Variants in P4HA3 observed in about 807,000 individuals in gnomAD.
P4HA3 encodes prolyl 4-hydroxylase subunit alpha-3.
A neutral mutation model predicts 66.7 loss-of-function variants in P4HA3; 60 were observed. The observed-to-expected ratio is 0.90, with a 90% CI of 0.73 to 1.12. The LOEUF is 1.12. Among genes scored for constraint, P4HA3 ranks in the 50% most tolerant of loss-of-function variants. The pLI, the probability that P4HA3 is intolerant of heterozygous loss-of-function variation, is 0.00. For missense variants in P4HA3, 683 were observed against 685.8 expected (o/e 1.00, Z 0.05); for synonymous variants, 263 against 274.6 (o/e 0.96, Z 0.42).
At chr11:74,298,522 T>C (rs1861299410) in intron 3 of P4HA3, among the ~76,000 whole-genome samples, 161 bp from the exon 4 acceptor site, 1 of 152,208 alleles carries the variant, frequency 6.6e-6, no homozygotes, top group African/African-American at 2.4e-5. Flanking sequence ...ATACAACGCA[T>C]TGTACTACGT....
intron 10 of P4HA3, among the ~76,000 whole-genome samples, chr11:74,270,309 T>C (rs1405384525): frequency 6.6e-6 from 1 of 152,200 alleles, no homozygotes; most frequent in African/African-American, 2.4e-5. Flanking sequence ...GAACTACTTA[T>C]TACACCTTTG....
At chr11:74,268,366 C>T in intron 11 of P4HA3, 125 bp from the exon 12 acceptor site, 2 of 790,354 alleles carry the variant, frequency 2.5e-6, no homozygotes, top group Non-Finnish European at 4.2e-6. Flanking sequence ...GGGGGCAATG[C>T]ATGCATAAAA....
At chr11:74,270,397 A>G (rs1860153339) in intron 10 of P4HA3, among the ~76,000 whole-genome samples, 1 of 152,234 alleles carries the variant, frequency 6.6e-6, no homozygotes, top group African/African-American at 2.4e-5. Context: ...TTCTAGGACT[A>G]TGGATATGTT....
rs368995754 is a variant in P4HA3, at chr11:74,289,492, C to T, written c.718-362G>A. 6.6e-5 allele frequency among the ~76,000 whole-genome samples: 10 copies of T among 152,016 alleles called. No individual in the cohort carries two copies. In the East Asian group the frequency reaches 1.2e-3, roughly 18 times the overall value. ...TAAGTTTTAGGGTACATGTGCACAA[C>T]GTGCAGGTTTGTTACATATGTATAC... On this transcript the variant is annotated intron_variant, in intron 4 of 12. Transcript: ENST00000331597.
At chr11:74,267,680 C>T (rs1368990363) in intron 12 of P4HA3, among the ~76,000 whole-genome samples, 2 of 152,222 alleles carry the variant, frequency 1.3e-5, no homozygotes, top group African/African-American at 2.4e-5. Flanking sequence ...GCAGCCTCCA[C>T]CTCAGCTTAT....
chr11:74,311,570 C>G lies in P4HA3; in HGVS notation c.42G>C (p.Leu14=). The change falls in exon 1 of 13, where the codon CTG becomes CTC. Residue 14 remains leucine, a synonymous_variant. Coordinates refer to ENST00000331597, the MANE Select transcript of P4HA3 (RefSeq NM_182904.5). ...TTTCTGGGTCTCCTGTCCCGAGCGC[C>G]AGCACCGCCAGCAGCGCCGCCAGCC... is the stretch of plus-strand genomic sequence containing the variant. ...GARLAALLAV[L]ALGTGDPERA... 2 of 1,534,172 alleles carry G rather than the reference C, an allele frequency of 1.3e-6. No individual in the cohort carries two copies. The highest frequency in any genetic ancestry group is 1.7e-6 in the Non-Finnish European group (2 of 1,151,498).
chr11:74,284,191 T>C (rs140962203), intron 7 of P4HA3, among the ~76,000 whole-genome samples: 1 of 152,356 alleles, frequency 6.6e-6, no homozygotes, highest in East Asian at 1.9e-4. Flanking sequence ...CTTGTTAATA[T>C]TTAGCACACT....
intron 9 of P4HA3, among the ~76,000 whole-genome samples, chr11:74,276,287 G>C (rs1860390551): frequency 6.6e-6 from 1 of 152,204 alleles, no homozygotes; most frequent in Admixed American, 6.5e-5. Context: ...GTATGGCTGG[G>C]TGCAGTGGCT....
chr11:74,308,758 T>TTAAAATAAAATAAAATAAAA (rs138633165), intron 1 of P4HA3, among the ~76,000 whole-genome samples: 12 of 152,130 alleles, frequency 7.9e-5, no homozygotes, highest in African/African-American at 2.9e-4. Flanking sequence ...CTAGATGGTC[T>TTAAAATAAAATAAAATAAAA]TAAAATAAAA....
chr11:74,299,667 GAAAA>G (rs61624292), intron 3 of P4HA3, among the ~76,000 whole-genome samples: 2 of 105,784 alleles, frequency 1.9e-5, no homozygotes, highest in East Asian at 5.3e-4. Flanking sequence ...ATATTTTCAA[GAAAA>G]AAAAAAAAAA....
chr11:74,269,811 A>C, intron 10 of P4HA3, 91 bp from the exon 11 acceptor site: 2 of 1,273,880 alleles, frequency 1.6e-6, no homozygotes, highest in Non-Finnish European at 2.2e-6. Context: ...ATTCCTTCTC[A>C]TGGTCTTTTC....
chr11:74,257,676 T>C (rs1859850894), intron 15 of P4HA3, among the ~76,000 whole-genome samples: 1 of 152,120 alleles, frequency 6.6e-6, no homozygotes, highest in Admixed American at 6.6e-5. Context: ...TGACCCCATA[T>C]AAAAAGACAA....
chr11:74,257,476 G>A (rs1859848284), intron 15 of P4HA3, among the ~76,000 whole-genome samples: 1 of 152,130 alleles, frequency 6.6e-6, no homozygotes, highest in South Asian at 2.1e-4. Context: ...GGAGGTGGAG[G>A]AGGAAGGGCA....
In P4HA3 at chr11:74,255,495, A is replaced by G. The variant is rs1051162337; in HGVS notation, c.*1318+4428T>C. On this transcript the variant is annotated intron_variant and NMD_transcript_variant, in intron 15 of 15. Coordinates refer to the P4HA3 transcript ENST00000524388. ...ACCCAAGCCCCACCCCTTACACTGT[A>G]TGGTATGGCAACAAACTTTCTCTCT... is the stretch of plus-strand genomic sequence containing the variant. Among the ~76,000 whole-genome samples the G allele has an allele frequency of 2.0e-5, 3 of 152,150 alleles. 1 individual carries two copies. The South Asian group carries it at 6.2e-4, about 32-fold the overall frequency.
At chr11:74,297,591 T>G (rs1861267494) in intron 4 of P4HA3, among the ~76,000 whole-genome samples, 1 of 152,100 alleles carries the variant, frequency 6.6e-6, no homozygotes, top group Admixed American at 6.6e-5. Flanking sequence ...GGCAGCTGCT[T>G]TATTTAGGGA....
intron 4 of P4HA3, among the ~76,000 whole-genome samples, chr11:74,292,886 T>C (rs1861080128): frequency 6.6e-6 from 1 of 152,102 alleles, no homozygotes; most frequent in African/African-American, 2.4e-5. Flanking sequence ...AATTTTGGAG[T>C]AGGTATGGTG....
At chr11:74,271,480 G>A (rs917110607) in intron 10 of P4HA3, among the ~76,000 whole-genome samples, 2 of 152,122 alleles carry the variant, frequency 1.3e-5, no homozygotes, top group African/African-American at 2.4e-5. Flanking sequence ...GTGGGAAAGG[G>A]AGAGAAATCT....
chr11:74,252,168 A>G (rs1859700034), intron 15 of P4HA3, among the ~76,000 whole-genome samples: 1 of 146,576 alleles, frequency 6.8e-6, no homozygotes, highest in South Asian at 2.2e-4. Flanking sequence ...ACCTGGGCTC[A>G]AGTGATCCAG....
intron 9 of P4HA3, among the ~76,000 whole-genome samples, 187 bp downstream of exon 9, chr11:74,276,798 G>C (rs1860412853): frequency 6.6e-6 from 1 of 152,120 alleles, no homozygotes; most frequent in Non-Finnish European, 1.5e-5. Context: ...GGAGATGGTG[G>C]CAGACAAGAA....
Sources: allele counts gnomAD v4.1 joint callset (sites outside exome capture counted in the v4.1 genomes callset), GRCh38; gene constraint gnomAD v4.1.1; transcripts MANE v1.5; gene names NCBI Gene and HGNC (gene_info 2026-07-23, HGNC 2026-07-21).